GPHN: variants seen among roughly 807,000 people sequenced by gnomAD.
GPHN encodes gephyrin.
A neutral mutation model predicts 95.5 loss-of-function variants in GPHN; 17 were observed. That is an observed-to-expected ratio of 0.18 (90% CI 0.12 to 0.27). The LOEUF (loss-of-function observed/expected upper bound fraction) is 0.27. GPHN is among the 10% of genes least tolerant of loss of function. GPHN has a pLI of 1.00. For synonymous variants in GPHN, 320 were observed against 322.5 expected, an observed-to-expected ratio of 0.99 and a Z score of 0.08; for missense variants, 660 against 978.1, an observed-to-expected ratio of 0.67 and a Z score of 4.34.
the GPHN span, among the ~76,000 whole-genome samples, chr14:67,434,624 T>A: frequency 6.6e-6 from 1 of 152,042 alleles, no homozygotes; most frequent in Admixed American, 6.5e-5. Context: ...ATGAGAACAT[T>A]TGGAGGACTA....
chr14:66,585,504 C>T (rs948371509), intron 1 of GPHN, among the ~76,000 whole-genome samples: 14 of 152,024 alleles, frequency 9.2e-5, no homozygotes, highest in Non-Finnish European at 1.8e-4. Context: ...TAGATCTTTC[C>T]TGCTTTCTCT....
At chr14:67,187,620 C>A in the GPHN span, among the ~76,000 whole-genome samples, 1 of 152,220 alleles carries the variant, frequency 6.6e-6, no homozygotes, top group Non-Finnish European at 1.5e-5. Flanking sequence ...AGTCCCAGCA[C>A]CTAGTTATGG....
the GPHN span, chr14:67,204,678 G>C: frequency 4.3e-6 from 7 of 1,613,898 alleles, no homozygotes; most frequent in East Asian, 1.6e-4. Context: ...TTTCTCAATG[G>C]GTGGCCCTCA....
At chr14:66,535,413 TTTC>T (rs2059107545) in intron 1 of GPHN, among the ~76,000 whole-genome samples, 1 of 152,136 alleles carries the variant, frequency 6.6e-6, no homozygotes. Flanking sequence ...TTCAATTTTA[TTTC>T]TTCTTCAACA....
chr14:67,605,882 C>T, the GPHN span, among the ~76,000 whole-genome samples: 1 of 151,848 alleles, frequency 6.6e-6, no homozygotes, highest in Admixed American at 6.6e-5. Flanking sequence ...GAGGTTTTAC[C>T]ATGTTGCCCA....
intron 2 of GPHN, among the ~76,000 whole-genome samples, chr14:66,705,817 G>C (rs932917947): frequency 3.3e-5 from 5 of 152,062 alleles, no homozygotes; most frequent in African/African-American, 1.2e-4. Context: ...TCTGGCCAGG[G>C]CAATCAGGCA....
At chr14:67,473,563 C>T in the GPHN span, 2 of 1,613,396 alleles carry the variant, frequency 1.2e-6, no homozygotes, top group East Asian at 2.2e-5. This position sits in a 1 kb window ranked among gnomAD's most constrained non-coding sequence, Gnocchi z 6.5. Flanking sequence ...CAGGGCACGG[C>T]GTACTCCAGG....
At chr14:67,258,622 A>G in the GPHN span, among the ~76,000 whole-genome samples, 1 of 152,106 alleles carries the variant, frequency 6.6e-6, no homozygotes, top group African/African-American at 2.4e-5. Context: ...AGGTTTCACT[A>G]TCTTGCCCAG....
intron 8 of GPHN, among the ~76,000 whole-genome samples, chr14:66,934,919 G>C (rs1297602677): frequency 6.6e-6 from 1 of 152,024 alleles, no homozygotes; most frequent in African/African-American, 2.4e-5. Context: ...TATCATCAAA[G>C]AAATAAGACA....
At chr14:66,995,152 C>A (rs936439782) in intron 9 of GPHN, among the ~76,000 whole-genome samples, 1 of 152,170 alleles carries the variant, frequency 6.6e-6, no homozygotes, top group Non-Finnish European at 1.5e-5. Context: ...CTTCATCTTA[C>A]ATGGCATTGT....
intron 1 of GPHN, among the ~76,000 whole-genome samples, chr14:66,548,656 A>G (rs1029471467): frequency 5.9e-5 from 9 of 152,198 alleles, no homozygotes; most frequent in Non-Finnish European, 4.4e-5. Context: ...ATTAGGCCAG[A>G]TAATAATCCT....
intron 21 of GPHN, among the ~76,000 whole-genome samples, chr14:67,177,101 A>T (rs975094457): frequency 1.3e-5 from 2 of 151,868 alleles, no homozygotes; most frequent in Non-Finnish European, 2.9e-5. Context: ...GATCTTAGTT[A>T]TTTCTTGCCT....
the GPHN span, among the ~76,000 whole-genome samples, chr14:67,363,384 G>A: frequency 6.6e-6 from 1 of 151,972 alleles, no homozygotes; most frequent in Non-Finnish European, 1.5e-5. Context: ...GCTCTTTGTT[G>A]TCAAACAGAT....
the GPHN span, chr14:67,301,351 A>G: frequency 2.7e-6 from 4 of 1,468,400 alleles, no homozygotes; most frequent in South Asian, 2.4e-5. Context: ...GATACTTCCT[A>G]TAATCTAGGA....
the GPHN span, among the ~76,000 whole-genome samples, chr14:67,676,008 A>G: frequency 6.6e-6 from 1 of 152,130 alleles, no homozygotes; most frequent in Non-Finnish European, 1.5e-5. Flanking sequence ...GAGGCAGGAG[A>G]ATCGCCTGAA....
chr14:67,040,421 C>T (rs1033341331), intron 10 of GPHN, among the ~76,000 whole-genome samples: 1 of 152,114 alleles, frequency 6.6e-6, no homozygotes, highest in African/African-American at 2.4e-5. Context: ...ATAAAAAAGA[C>T]TTTCTCTTAC....
At chr14:67,303,394 GTGC>G in the GPHN span, 1 of 676,434 alleles carries the variant, frequency 1.5e-6, no homozygotes, top group Non-Finnish European at 2.6e-6. Flanking sequence ...GTAGAGCAAA[GTGC>G]TGCTGGTCAT....
the GPHN span, chr14:67,662,517 A>C: frequency 6.2e-7 from 1 of 1,611,544 alleles, no homozygotes; most frequent in Non-Finnish European, 8.5e-7. Flanking sequence ...AAAATCCCTG[A>C]TCAATTTCTT....
At chr14:66,893,673 TAC>T (rs1275963884) in intron 5 of GPHN, among the ~76,000 whole-genome samples, 1 of 152,190 alleles carries the variant, frequency 6.6e-6, no homozygotes, top group Non-Finnish European at 1.5e-5. Context: ...AGTCTTAGGA[TAC>T]AAAATCAATG....
Sources: allele counts gnomAD v4.1 joint callset (sites outside exome capture counted in the v4.1 genomes callset), GRCh38; gene constraint gnomAD v4.1.1; non-coding constraint Gnocchi (gnomAD v3.1); transcripts MANE v1.5; gene names NCBI Gene and HGNC (gene_info 2026-07-23, HGNC 2026-07-21).